Variants in YWHAZ observed in about 807,000 individuals in gnomAD.
YWHAZ encodes tyrosine 3-monooxygenase/tryptophan 5-monooxygenase activation protein zeta, also known as 14-3-3 protein zeta/delta.
For missense variants in YWHAZ, 79 were observed against 284.8 expected (o/e 0.28, Z 5.20); for synonymous variants, 87 against 103.6 (o/e 0.84, Z 0.97).
chr8:100,942,320 T>C (rs1207865204), intron 2 of YWHAZ, among the ~76,000 whole-genome samples: 3 of 152,204 alleles, frequency 2.0e-5, no homozygotes, highest in East Asian at 3.8e-4. Flanking sequence ...CATTATACCT[T>C]ACCAGAAAAC....
chr8:100,937,814 G>A (rs1343941391), intron 2 of YWHAZ, among the ~76,000 whole-genome samples: 1 of 152,182 alleles, frequency 6.6e-6, no homozygotes, highest in African/African-American at 2.4e-5. Flanking sequence ...TTCTCAGTAA[G>A]TACAGCACCC....
chr8:100,950,113 T>C (rs1377840452), intron 1 of YWHAZ, among the ~76,000 whole-genome samples: 1 of 152,168 alleles, frequency 6.6e-6, no homozygotes, highest in Non-Finnish European at 1.5e-5. Context: ...TTTAAACAAA[T>C]AATTAACCAC....
chr8:100,930,531 A>G (rs1373794403), intron 2 of YWHAZ, among the ~76,000 whole-genome samples: 1 of 152,208 alleles, frequency 6.6e-6, no homozygotes, highest in Non-Finnish European at 1.5e-5. Context: ...CACATCCTAC[A>G]CTCAAGCTAA....
chr8:100,936,188 G>C (rs919401157), intron 2 of YWHAZ, among the ~76,000 whole-genome samples: 3 of 152,144 alleles, frequency 2.0e-5, no homozygotes, highest in African/African-American at 7.2e-5. Context: ...ACAAGTTACA[G>C]AGCTGGGATC....
At chr8:100,946,741 TTTGTC>T (rs1339795646) in intron 2 of YWHAZ, among the ~76,000 whole-genome samples, 1 of 152,072 alleles carries the variant, frequency 6.6e-6, no homozygotes, top group Non-Finnish European at 1.5e-5. Flanking sequence ...AAAATTGACT[TTTGTC>T]TTAAGGGAAA....
rs1287044488 is a variant in YWHAZ at position 100,918,997 on chromosome 8, G to GA, written c.*1695dup. On this transcript the variant is annotated 3_prime_UTR_variant, in exon 6 of 6. Coordinates refer to ENST00000395958, the MANE Select transcript of YWHAZ (RefSeq NM_145690.3). The stretch of plus-strand genomic sequence containing the variant: ...AGGCAGACAATGACAGACCATTCAG[G>GA]ATAGGTAGGGTTTTAAAGGGAGATA... The GA allele has an allele frequency of 6.6e-6, 1 of 152,460 alleles. No individual in the cohort carries two copies. The highest frequency in any genetic ancestry group is 1.5e-5 in the Non-Finnish European group (1 of 68,072). 9.4% of individuals were successfully genotyped at this position (152,460 alleles called of 1,614,324 possible).
rs1315818893 is a variant in YWHAZ, at chr8:100,924,114, CG to C, written c.582+20del. Reference sequence around the variant, plus strand: ...AATAATAAAGACTGCTAAATTTCTACGTAACAGGTAAAATACATACTGTCTT... The same window carrying C: ...AATAATAAAGACTGCTAAATTTCTACTAACAGGTAAAATACATACTGTCTT... On this transcript the variant is annotated intron_variant, in intron 4 of 5. Coordinates refer to ENST00000395958, the MANE Select transcript of YWHAZ (RefSeq NM_145690.3). The surrounding 1 kb of genome is among the most constrained non-coding windows in gnomAD (Gnocchi z 5.7). 3 of 1,608,314 alleles carry C rather than the reference CG, an allele frequency of 1.9e-6. No individual in the cohort carries two copies. The highest frequency in any genetic ancestry group is 1.3e-5 in the African/African-American group (1 of 74,466).
At chr8:100,938,834 G>C (rs1450074803) in intron 2 of YWHAZ, among the ~76,000 whole-genome samples, 1 of 152,180 alleles carries the variant, frequency 6.6e-6, no homozygotes, top group Admixed American at 6.5e-5. Flanking sequence ...TGCTCCACCA[G>C]AAATGCTAAT....
chr8:100,951,352 T>C (rs902074676), intron 1 of YWHAZ: 2 of 981,850 alleles, frequency 2.0e-6, no homozygotes, highest in African/African-American at 1.8e-5. Context: ...CCTCCCGGGG[T>C]GGGGGAGGGC....
intron 1 of YWHAZ, 172 bp downstream of exon 1, chr8:100,951,757 G>A (rs984750500): frequency 7.1e-6 from 7 of 985,252 alleles, no homozygotes; most frequent in Non-Finnish European, 8.4e-6. Flanking sequence ...GCCCTCCCGA[G>A]CCCAGCGGAA....
intron 2 of YWHAZ, among the ~76,000 whole-genome samples, chr8:100,939,314 C>T (rs1341421829): frequency 2.0e-5 from 3 of 151,998 alleles, no homozygotes; most frequent in Non-Finnish European, 4.4e-5. Flanking sequence ...AGAATTGTCT[C>T]CCTCCGAATC....
intron 2 of YWHAZ, among the ~76,000 whole-genome samples, chr8:100,938,848 TAGG>T (rs1427984476): frequency 2.0e-5 from 3 of 152,210 alleles, no homozygotes; most frequent in Non-Finnish European, 4.4e-5. Flanking sequence ...TGCTAATGAT[TAGG>T]AGGTGTCAAG....
At chr8:100,952,081 C>G (rs959046831), upstream of YWHAZ, 6 of 987,166 alleles carry the variant, frequency 6.1e-6, no homozygotes, top group African/African-American at 1.0e-4. Flanking sequence ...CCTCCAATCA[C>G]CAGCCCCGGC....
chr8:100,948,518 A>G lies in YWHAZ; in HGVS notation c.294+78T>C. On this transcript the variant is annotated intron_variant, in intron 2 of 5. Transcript: ENST00000395958. This position sits in a 1 kb window ranked among gnomAD's most constrained non-coding sequence, Gnocchi z 4.2. ...TGTTTAGAAGGAAAAGAAAAACCAAACAAAAAGTTAAGAGTAATGTAACTG... is the reference window on the plus strand; with the variant it reads ...TGTTTAGAAGGAAAAGAAAAACCAAGCAAAAAGTTAAGAGTAATGTAACTG... The G allele has an allele frequency of 6.8e-7, 1 of 1,470,278 alleles. No homozygotes were observed. The highest frequency in any genetic ancestry group is 9.1e-7 in the Non-Finnish European group (1 of 1,096,004). 91.1% of individuals were successfully genotyped at this position (1,470,278 alleles called of 1,614,324 possible).
At chr8:100,936,715 C>T (rs1181697486) in intron 2 of YWHAZ, among the ~76,000 whole-genome samples, 3 of 152,006 alleles carry the variant, frequency 2.0e-5, no homozygotes, top group Admixed American at 1.3e-4. Context: ...GCAGGTGAAT[C>T]GCTTGAACCT....
chr8:100,950,717 A>T, intron 1 of YWHAZ: 1 of 517,210 alleles, frequency 1.9e-6, no homozygotes, highest in African/African-American at 2.1e-5. Flanking sequence ...ACGCCACAGC[A>T]GCCCGCAGAA....
intron 1 of YWHAZ, among the ~76,000 whole-genome samples, chr8:100,949,750 A>G (rs559243098): frequency 6.6e-6 from 1 of 152,306 alleles, no homozygotes; most frequent in South Asian, 2.1e-4. Flanking sequence ...AGCCATCATA[A>G]TGTAATTGGA....
At chr8:100,921,678 C>T (rs1813036009) in intron 5 of YWHAZ, among the ~76,000 whole-genome samples, 1 of 152,370 alleles carries the variant, frequency 6.6e-6, no homozygotes, top group East Asian at 1.9e-4. Flanking sequence ...CCCTCAATTA[C>T]TTTTGCACTA....
At chr8:100,927,904 G>C (rs1414523826) in intron 2 of YWHAZ, among the ~76,000 whole-genome samples, 1 of 152,230 alleles carries the variant, frequency 6.6e-6, no homozygotes, top group Non-Finnish European at 1.5e-5. Context: ...GTAAACAGCA[G>C]TCAGGCTGCT....
Sources: gnomAD v4.1 joint callset for allele counts (sites outside exome capture counted in the v4.1 genomes callset) on GRCh38, gnomAD v4.1.1 for gene constraint, Gnocchi (gnomAD v3.1) non-coding constraint, MANE v1.5 for transcripts, NCBI Gene and HGNC (gene_info 2026-07-23, HGNC 2026-07-21) for gene names.